Variants in SCG3 observed in about 807,000 individuals in gnomAD.
The protein encoded by SCG3 is secretogranin-3.
SCG3 carries 38 observed loss-of-function variants against 56.2 expected under a neutral mutation model. The observed-to-expected ratio is 0.68, with a 90% CI of 0.52 to 0.89. SCG3 has a LOEUF of 0.89. Among genes scored for constraint, SCG3 ranks in the 40% least tolerant of loss-of-function variants. SCG3 has a pLI of 0.00. For missense variants in SCG3, 524 were observed against 540.7 expected, an observed-to-expected ratio of 0.97 and a Z score of 0.31; for synonymous variants, 176 against 184.2, an observed-to-expected ratio of 0.96 and a Z score of 0.36.
At chr15:51,693,368 A>G (rs1277383426) in intron 7 of SCG3, 1 of 152,240 alleles carries the variant, frequency 6.6e-6, no homozygotes, top group Non-Finnish European at 1.5e-5. Context: ...CTTCAGAGTT[A>G]AAATGGAGAA....
rs755248970 is a variant in SCG3 at position 51,692,344 on chromosome 15, C to T, written c.868+8C>T. 5.6e-6 allele frequency: 9 copies of T among 1,610,598 alleles called. No individual in the cohort carries two copies. In the East Asian group the frequency reaches 1.8e-4, roughly 32 times the overall value. ...TGAAAAGTATTGATTCAGGTAACCA[C>T]TGTGTGGTTGTGATTATGTGGAACA... is the stretch of plus-strand genomic sequence containing the variant. On this transcript the variant is annotated splice_region_variant and intron_variant, in intron 7 of 11. Coordinates refer to ENST00000220478, the MANE Select transcript of SCG3 (RefSeq NM_013243.4).
chr15:51,710,018 G>A (rs1328944752), intron 10 of SCG3, among the ~76,000 whole-genome samples: 2 of 150,584 alleles, frequency 1.3e-5, no homozygotes, highest in Admixed American at 6.6e-5. Context: ...TTACAGGCAT[G>A]AGCCACCGCG....
At chr15:51,693,040 A>T (rs917680107) in intron 7 of SCG3, among the ~76,000 whole-genome samples, 4 of 151,598 alleles carry the variant, frequency 2.6e-5, no homozygotes. Flanking sequence ...ACACCTCCCC[A>T]TTTTTCCCTC....
chr15:51,709,662 CATATATATATATATAT>C (rs148744249), intron 10 of SCG3, among the ~76,000 whole-genome samples: 846 of 28,206 alleles, frequency 0.03, 21 homozygotes, highest in Middle Eastern at 0.094. Flanking sequence ...AAATCTATGC[CATATATATATATATAT>C]ATATATATAT....
intron 10 of SCG3, among the ~76,000 whole-genome samples, chr15:51,710,362 T>A (rs150913545): frequency 6.6e-6 from 1 of 152,304 alleles, no homozygotes; most frequent in Non-Finnish European, 1.5e-5. Flanking sequence ...AGGGAGACTG[T>A]CCTAATCATG....
chr15:51,701,205 G>A lies in SCG3; in HGVS notation c.1168G>A (p.Asp390Asn), dbSNP rs374517191. Reference protein sequence around the residue: ...YGSLKDSTKDDNSNPGGKTDE... With the variant: ...YGSLKDSTKDNNSNPGGKTDE... ...AAGCTTGAAGGATTCCACAAAAGAT[G>A]ATAACTCCAACCCAGGAGGAAAGAC... The change falls in exon 10 of 12, where the codon GAT becomes AAT. Residue 390 changes from aspartate (D) to asparagine (N), a missense_variant. Transcript: ENST00000220478. 1.2e-6 allele frequency: 2 copies of A among 1,611,546 alleles called. No homozygotes were observed. Among genetic ancestry groups the A allele is most frequent in the Non-Finnish European group, 1.7e-6 (2 of 1,179,084 alleles).
At position 51,719,451 on chromosome 15, in the gene SCG3, T is replaced by A; in HGVS notation, c.1332T>A (p.Ala444=). The A allele has an allele frequency of 6.2e-7, 1 of 1,614,104 alleles. No homozygotes were observed. Among genetic ancestry groups the A allele is most frequent in the Middle Eastern group, 1.6e-4 (1 of 6,062 alleles). The change falls in exon 12 of 12, where the codon GCT becomes GCA. Residue 444 remains alanine (A), a synonymous_variant. Coordinates refer to ENST00000220478, the MANE Select transcript of SCG3 (RefSeq NM_013243.4). ...TGAGAGACTTCATCAATAAACAAGCTGATGCTTATGTGGAGAAAGGCATCC... is the reference window on the plus strand; with the variant it reads ...TGAGAGACTTCATCAATAAACAAGCAGATGCTTATGTGGAGAAAGGCATCC... ...SKMRDFINKQ[A]DAYVEKGILD...
At position 51,696,181 on chromosome 15, in the gene SCG3, T is replaced by C. The variant is rs145943864; in HGVS notation, c.985+190T>C. Among the ~76,000 whole-genome samples the C allele has an allele frequency of 3.8e-3, 576 of 152,312 alleles. 4 individuals carry two copies. Among genetic ancestry groups the C allele is most frequent in the African/African-American group, 0.013 (555 of 41,568 alleles). On this transcript the variant is annotated intron_variant, in intron 8 of 11. Transcript: ENST00000220478. ...TCAACTTGTCTTTATAGAACCAGCTTAAGTACAAATATTTCACATTTATTA... is the reference window on the plus strand; with the variant it reads ...TCAACTTGTCTTTATAGAACCAGCTCAAGTACAAATATTTCACATTTATTA...
chr15:51,709,658 A>C (rs1326614987), intron 10 of SCG3, among the ~76,000 whole-genome samples: 2 of 111,322 alleles, frequency 1.8e-5, no homozygotes, highest in African/African-American at 3.6e-5. Flanking sequence ...AGATAAATCT[A>C]TGCCATATAT....
At chr15:51,688,429 A>G in intron 5 of SCG3, 27 bp downstream of exon 5, 5 of 1,608,104 alleles carry the variant, frequency 3.1e-6, no homozygotes, top group Non-Finnish European at 4.3e-6. Flanking sequence ...GAAATAAACC[A>G]AATTCCTAGT....
At chr15:51,699,277 T>G (rs768549573) in intron 8 of SCG3, 42 bp from the exon 9 acceptor site, 22 of 1,410,624 alleles carry the variant, frequency 1.6e-5, no homozygotes, top group Non-Finnish European at 2.1e-5. Flanking sequence ...TGATGTCATC[T>G]CTCAGGGAAT....
chr15:51,719,503 A>G lies in SCG3; in HGVS notation c.1384A>G (p.Lys462Glu). The part of the protein sequence containing the change: ...ILDKEEAEAI[K>E]RIYSSL Reference sequence around the variant, plus strand: ...TGACAAGGAAGAAGCCGAGGCCATCAAGCGCATTTATAGCAGCCTGTAAAA... The same window carrying G: ...TGACAAGGAAGAAGCCGAGGCCATCGAGCGCATTTATAGCAGCCTGTAAAA... Residue 462 changes from lysine to glutamate, a missense_variant, in exon 12 of 12, where the codon AAG becomes GAG. Coordinates refer to ENST00000220478, the MANE Select transcript of SCG3 (RefSeq NM_013243.4). 1.2e-6 allele frequency: 2 copies of G among 1,613,922 alleles called. No homozygotes were observed. Among genetic ancestry groups the G allele is most frequent in the Non-Finnish European group, 1.7e-6 (2 of 1,179,824 alleles).
rs953625848 is a variant in SCG3, at chr15:51,721,004, A to G, written c.*1478A>G. On this transcript the variant is annotated 3_prime_UTR_variant, in exon 12 of 12. Coordinates refer to ENST00000220478, the MANE Select transcript of SCG3 (RefSeq NM_013243.4). ...TGGAAGCTTTGTCCTTTTGCTCTTC[A>G]TAATAAACCTTGCTACTGTTCACTC... 5.2e-5 allele frequency: 8 copies of G among 154,186 alleles called. No individual in the cohort carries two copies. The highest frequency in any genetic ancestry group is 2.0e-4 in the South Asian group (1 of 4,916). The allele number at this position is 154,186 out of a possible 1,614,324, so 9.6% of individuals were successfully genotyped here.
intron 10 of SCG3, among the ~76,000 whole-genome samples, chr15:51,709,699 A>ATTTT (rs2055404198): frequency 5.4e-5 from 1 of 18,424 alleles, no homozygotes; most frequent in Non-Finnish European, 8.8e-5. Flanking sequence ...ATATATATAT[A>ATTTT]TATTTTTTTT....
At chr15:51,686,575 C>T (rs1469301984) in intron 4 of SCG3, among the ~76,000 whole-genome samples, 2 of 152,202 alleles carry the variant, frequency 1.3e-5, no homozygotes, top group African/African-American at 2.4e-5. Context: ...GACAGCCTGA[C>T]TTGCAATCCG....
rs56192434 is a variant in SCG3 at position 51,704,764 on chromosome 15, CATATATATATATATATATAT to C, written c.1207+3532_1207+3551del. Among the ~76,000 whole-genome samples the C allele has an allele frequency of 6.6e-3, 441 of 67,050 alleles. 24 individuals carry two copies. Among genetic ancestry groups the C allele is most frequent in the African/African-American group, 0.018 (424 of 23,378 alleles). The allele number at this position is 67,050 out of a possible 152,430, so 44.0% of individuals were successfully genotyped here. A position where few individuals can be genotyped will look rare whatever the true frequency, so the allele number is the denominator to read the frequency against. On this transcript the variant is annotated intron_variant, in intron 10 of 11. Transcript: ENST00000220478. ...TACCTTTTGGCTGTTGTGAGTAATA[CATATATATATATATATATAT>C]ATATATATATACATCTCTCTTTGAG...
chr15:51,702,173 G>T (rs1186073020), intron 10 of SCG3, among the ~76,000 whole-genome samples: 1 of 152,110 alleles, frequency 6.6e-6, no homozygotes, highest in East Asian at 1.9e-4. Context: ...TGATAAAAAT[G>T]ACAAATTCAA....
At chr15:51,692,895 G>C (rs1353624883) in intron 7 of SCG3, among the ~76,000 whole-genome samples, 1 of 151,384 alleles carries the variant, frequency 6.6e-6, no homozygotes, top group Non-Finnish European at 1.5e-5. Context: ...TTGTGTGTGT[G>C]ATGAGAACAC....
chr15:51,689,467 C>G (rs895946085), intron 6 of SCG3, 99 bp downstream of exon 6: 9 of 1,386,928 alleles, frequency 6.5e-6, no homozygotes, highest in Non-Finnish European at 8.7e-6. Context: ...TTACTTGATA[C>G]CAAAGAAGAT....
Sources: allele counts gnomAD v4.1 joint callset (sites outside exome capture counted in the v4.1 genomes callset), GRCh38; gene constraint gnomAD v4.1.1; transcripts MANE v1.5; gene names NCBI Gene and HGNC (gene_info 2026-07-23, HGNC 2026-07-21).